The following DLG2 variants were observed in gnomAD, a reference collection of about 807,000 sequenced individuals.
DLG2 encodes discs large MAGUK scaffold protein 2.
A neutral mutation model predicts 132.5 loss-of-function variants in DLG2; 45 were observed. The ratio of observed to expected loss-of-function variants is 0.34; its 90% CI spans 0.27 to 0.44. The LOEUF is 0.44. Among genes scored for constraint, DLG2 ranks in the 20% least tolerant of loss-of-function variants. The pLI, the probability that DLG2 is intolerant of heterozygous loss-of-function variation, is 1.00. For synonymous variants in DLG2, 424 were observed against 419.6 expected, an observed-to-expected ratio of 1.01 and a Z score of -0.13; for missense variants, 1,045 against 1,196.9, an observed-to-expected ratio of 0.87 and a Z score of 1.87.
rs1428561329 is a variant in DLG2 at position 85,514,842 on chromosome 11, C to A, written c.40+83815G>T. 1.3e-5 allele frequency among the ~76,000 whole-genome samples: 2 copies of A among 151,870 alleles called. 1 individual carries two copies. ...TACTGGGCAGAGGTTTCATATTGGG[C>A]TCTCTGGAAATATATACTTTTGCTG... On this transcript the variant is annotated intron_variant, in intron 3 of 27. Transcript: ENST00000376104.
intron 3 of DLG2, among the ~76,000 whole-genome samples, chr11:85,398,771 G>T (rs1305661235): frequency 6.6e-6 from 1 of 152,092 alleles, no homozygotes; most frequent in Non-Finnish European, 1.5e-5. Flanking sequence ...TTCCAAAATT[G>T]AGGCGATAAT....
intron 3 of DLG2, among the ~76,000 whole-genome samples, chr11:85,410,323 A>G (rs1167467501): frequency 1.3e-5 from 2 of 151,712 alleles, no homozygotes; most frequent in Non-Finnish European, 2.9e-5. Context: ...GTGAAACTGA[A>G]TATTAATATA....
intron 14 of DLG2, among the ~76,000 whole-genome samples, chr11:83,954,597 G>C (rs1248848812): frequency 6.6e-6 from 1 of 152,106 alleles, no homozygotes; most frequent in Non-Finnish European, 1.5e-5. Flanking sequence ...CTTTAATTTG[G>C]TTAAGTTTTA....
intron 18 of DLG2, among the ~76,000 whole-genome samples, chr11:83,660,961 TAA>T (rs1452971030): frequency 1.3e-5 from 2 of 152,164 alleles, no homozygotes; most frequent in Non-Finnish European, 2.9e-5. Context: ...GAGATTATAC[TAA>T]GTTTTGTGAA....
chr11:84,334,450 A>G (rs138703007), intron 7 of DLG2, among the ~76,000 whole-genome samples: 281 of 152,294 alleles, frequency 1.8e-3, no homozygotes, highest in Middle Eastern at 3.4e-3. Flanking sequence ...CTGAGTTTCA[A>G]GTGACATATT....
At chr11:85,457,037 T>C (rs960898852) in intron 3 of DLG2, among the ~76,000 whole-genome samples, 7 of 152,178 alleles carry the variant, frequency 4.6e-5, no homozygotes, top group Non-Finnish European at 1.0e-4. Context: ...GGTGTTGAAG[T>C]CCTGTACTCT....
At chr11:85,086,807 T>C (rs1234230721) in intron 6 of DLG2, among the ~76,000 whole-genome samples, 2 of 152,218 alleles carry the variant, frequency 1.3e-5, no homozygotes, top group Non-Finnish European at 2.9e-5. Context: ...ATATCAATCA[T>C]AGCAAGAGTG....
chr11:84,115,130 T>A (rs1417343410), intron 9 of DLG2, among the ~76,000 whole-genome samples: 1 of 152,156 alleles, frequency 6.6e-6, no homozygotes, highest in Non-Finnish European at 1.5e-5. Context: ...ATTTGTAGAG[T>A]CTATTTCCTT....
chr11:83,456,161 A>G lies in DLG2; in HGVS notation c.*3657T>C, dbSNP rs2088933317. 6.5e-6 allele frequency: 1 copy of G among 152,702 alleles called. No individual in the cohort carries two copies. The highest frequency in any genetic ancestry group is 1.5e-5 in the Non-Finnish European group (1 of 68,078). The allele number at this position is 152,702 out of a possible 1,614,324, so 9.5% of individuals were successfully genotyped here. A position where few individuals can be genotyped will look rare whatever the true frequency, so the allele number is the denominator to read the frequency against. Reference sequence around the variant, plus strand: ...TTGGGGCCAGAGTCTGCCTTTATTGAAAGAAAATGTCCTCAGAGCCATGCG... The same window carrying G: ...TTGGGGCCAGAGTCTGCCTTTATTGGAAGAAAATGTCCTCAGAGCCATGCG... On this transcript the variant is annotated 3_prime_UTR_variant, in exon 28 of 28. Coordinates refer to ENST00000376104, the MANE Select transcript of DLG2 (RefSeq NM_001142699.3).
At chr11:84,185,014 G>A (rs11797963) in intron 8 of DLG2, among the ~76,000 whole-genome samples, 9,831 of 151,962 alleles carry the variant, frequency 0.065, 391 homozygotes, top group African/African-American at 0.1. Context: ...TGATGCCTCT[G>A]GCTTTGTTCT....
At chr11:83,652,143 T>C (rs2070728320) in intron 18 of DLG2, 1 of 283,710 alleles carries the variant, frequency 3.5e-6, no homozygotes, top group Admixed American at 4.2e-5. Flanking sequence ...TGTGTTTTTT[T>C]GGTGTGGAAT....
intron 3 of DLG2, among the ~76,000 whole-genome samples, chr11:85,566,925 A>T (rs1342418145): frequency 2.0e-5 from 3 of 152,152 alleles, no homozygotes; most frequent in African/African-American, 7.2e-5. Context: ...TGTTGAAAAC[A>T]CTTTTCTTTC....
chr11:84,221,625 G>A (rs1030584706), intron 8 of DLG2, among the ~76,000 whole-genome samples: 2 of 152,072 alleles, frequency 1.3e-5, no homozygotes, highest in African/African-American at 4.8e-5. Flanking sequence ...AGCATTTTAA[G>A]AAAATTTTCT....
intron 8 of DLG2, among the ~76,000 whole-genome samples, chr11:84,211,156 G>C (rs1352466200): frequency 1.3e-5 from 2 of 152,156 alleles, no homozygotes; most frequent in African/African-American, 4.8e-5. Flanking sequence ...ACTGTAAAAA[G>C]TGATTATAGT....
At chr11:85,301,855 C>A (rs943667927) in intron 3 of DLG2, among the ~76,000 whole-genome samples, 9 of 152,204 alleles carry the variant, frequency 5.9e-5, no homozygotes, top group African/African-American at 2.2e-4. Flanking sequence ...GAAAAAGTTT[C>A]TAGTTAGAAC....
At chr11:84,568,092 A>G (rs2099464574) in intron 6 of DLG2, among the ~76,000 whole-genome samples, 1 of 152,304 alleles carries the variant, frequency 6.6e-6, no homozygotes, top group Admixed American at 6.5e-5. Context: ...ACACTAGAGG[A>G]AATGGCATGG....
intron 4 of DLG2, among the ~76,000 whole-genome samples, chr11:85,184,455 T>C (rs894455494): frequency 7.2e-5 from 11 of 151,732 alleles, no homozygotes; most frequent in African/African-American, 2.7e-4. Flanking sequence ...AACAAGGTAG[T>C]TAATAAGCAA....
intron 3 of DLG2, among the ~76,000 whole-genome samples, chr11:85,399,845 C>T (rs983628485): frequency 3.9e-5 from 6 of 152,092 alleles, no homozygotes; most frequent in African/African-American, 1.2e-4. Flanking sequence ...AAAACCTAGG[C>T]ATTACCATTC....
chr11:84,534,974 T>C (rs2099351887), intron 6 of DLG2, among the ~76,000 whole-genome samples: 1 of 152,148 alleles, frequency 6.6e-6, no homozygotes, highest in African/African-American at 2.4e-5. Flanking sequence ...TAATATACTC[T>C]CTTTGTTTAT....
Sources: gnomAD v4.1 joint callset for allele counts (sites outside exome capture counted in the v4.1 genomes callset) on GRCh38, gnomAD v4.1.1 for gene constraint, MANE v1.5 for transcripts, NCBI Gene and HGNC (gene_info 2026-07-23, HGNC 2026-07-21) for gene names.